Variants in CPSF4 observed in about 807,000 individuals in gnomAD.
CPSF4 encodes cleavage and polyadenylation specificity factor subunit 4.
CPSF4 carries 11 observed loss-of-function variants against 37.7 expected under a neutral mutation model. That is an observed-to-expected ratio of 0.29 (90% CI 0.18 to 0.48). The LOEUF (loss-of-function observed/expected upper bound fraction) is 0.48. CPSF4 is among the 20% of genes least tolerant of loss of function. The pLI is 0.99. For missense variants in CPSF4, 144 were observed against 359.5 expected (o/e 0.40, Z 4.85); for synonymous variants, 132 against 135.9 (o/e 0.97, Z 0.20).
intron 7 of CPSF4, 58 bp from the exon 8 acceptor site, chr7:99,456,374 G>C: frequency 1.3e-6 from 2 of 1,525,002 alleles, no homozygotes. Flanking sequence ...GTTGAAAACT[G>C]CATTTGAACA....
intron 2 of CPSF4, chr7:99,447,671 G>A: frequency 3.2e-6 from 1 of 307,972 alleles, no homozygotes; most frequent in Non-Finnish European, 6.6e-6. Flanking sequence ...CTCACTGCAA[G>A]CTCCGCCTCC....
rs1430886935 is a variant in CPSF4, at chr7:99,448,382, C to T, written c.307+109C>T. The T allele has an allele frequency of 1.6e-6, 2 of 1,262,020 alleles. No individual in the cohort carries two copies. Among genetic ancestry groups the T allele is most frequent in the East Asian group, 5.2e-5 (2 of 38,830 alleles). 78.2% of individuals were successfully genotyped at this position (1,262,020 alleles called of 1,614,324 possible). On this transcript the variant is annotated intron_variant, in intron 3 of 7. Transcript: ENST00000292476. This position sits in a 1 kb window ranked among gnomAD's most constrained non-coding sequence, Gnocchi z 4.4. Reference sequence around the variant, plus strand: ...TGCCTGCTTTTCCCATCTTTCTATTCTCAGAGGAGAACTCTGGCAGAACCT... The same window carrying T: ...TGCCTGCTTTTCCCATCTTTCTATTTTCAGAGGAGAACTCTGGCAGAACCT...
At chr7:99,443,570 T>A in intron 1 of CPSF4, 1 of 573,030 alleles carries the variant, frequency 1.7e-6, no homozygotes, top group Non-Finnish European at 3.2e-6. Context: ...TCCTAGCACT[T>A]TGGGAAGCCA....
chr7:99,440,676 T>TATATATATATATATATA (rs1562852973), intron 1 of CPSF4, among the ~76,000 whole-genome samples: 16 of 62,166 alleles, frequency 2.6e-4, no homozygotes, highest in African/African-American at 2.4e-3. Context: ...ATATATATAT[T>TATATATATATATATATA]TTTTTTTTTT....
chr7:99,445,653 G>A (rs1227995340), intron 2 of CPSF4, among the ~76,000 whole-genome samples: 1 of 152,176 alleles, frequency 6.6e-6, no homozygotes, highest in Admixed American at 6.5e-5. Context: ...GGAGGCCGAG[G>A]TGGATGGATC....
chr7:99,447,852 C>A, intron 2 of CPSF4: 1 of 518,046 alleles, frequency 1.9e-6, no homozygotes, highest in Non-Finnish European at 3.8e-6. Flanking sequence ...CCTTGTGATC[C>A]GCCCACCTCG....
intron 3 of CPSF4, among the ~76,000 whole-genome samples, 198 bp from the exon 4 acceptor site, chr7:99,450,078 A>G (rs544560210): frequency 1.3e-5 from 2 of 152,288 alleles, no homozygotes; most frequent in Admixed American, 6.5e-5. Flanking sequence ...GCCAATCAGA[A>G]TGGAACTTCC....
chr7:99,456,412 C>T lies in CPSF4; in HGVS notation c.742-20C>T. ...GTTGTTGTCTGTCTCTCCTCTTCCC[C>T]CACTTCCTGCTGTTCCCAGTGTGGC... On this transcript the variant is annotated intron_variant, in intron 7 of 7. Transcript: ENST00000292476. The T allele has an allele frequency of 6.2e-7, 1 of 1,612,798 alleles. No homozygotes were observed. Among genetic ancestry groups the T allele is most frequent in the Non-Finnish European group, 8.5e-7 (1 of 1,178,778 alleles).
chr7:99,446,579 T>A (rs1797511855), intron 2 of CPSF4, among the ~76,000 whole-genome samples: 1 of 150,714 alleles, frequency 6.6e-6, no homozygotes, highest in Non-Finnish European at 1.5e-5. Flanking sequence ...ACATCACATT[T>A]CCTCAATTCT....
intron 1 of CPSF4, among the ~76,000 whole-genome samples, chr7:99,440,674 A>ATATATATTTTTTTTTTTTTT: frequency 5.7e-5 from 5 of 88,086 alleles, no homozygotes; most frequent in East Asian, 3.4e-4. Flanking sequence ...ATATATATAT[A>ATATATATTTTTTTTTTTTTT]TTTTTTTTTT....
At chr7:99,443,433 G>A in intron 1 of CPSF4, 2 of 1,350,594 alleles carry the variant, frequency 1.5e-6, no homozygotes, top group South Asian at 2.3e-5. Context: ...CAAACCACAA[G>A]AAGACATTCT....
chr7:99,456,352 G>A (rs1257215921), intron 7 of CPSF4, 80 bp from the exon 8 acceptor site: 1 of 1,257,362 alleles, frequency 8.0e-7, no homozygotes, highest in Admixed American at 1.8e-5. Context: ...GGATTTGGTG[G>A]GCACTCCCTT....
intron 3 of CPSF4, 34 bp from the exon 4 acceptor site, chr7:99,450,242 T>C: frequency 1.3e-6 from 2 of 1,557,272 alleles, no homozygotes; most frequent in Non-Finnish European, 1.8e-6. Flanking sequence ...GGCCCCGGCC[T>C]TCCCAGTGGT....
intron 1 of CPSF4, chr7:99,442,870 C>G: frequency 1.8e-6 from 2 of 1,109,736 alleles, no homozygotes; most frequent in Non-Finnish European, 2.8e-6. Context: ...CAGAAAGTAT[C>G]AAGAACCTTT....
intron 2 of CPSF4, among the ~76,000 whole-genome samples, chr7:99,447,305 G>A (rs1164336561): frequency 2.0e-5 from 2 of 98,018 alleles, no homozygotes; most frequent in Admixed American, 1.3e-4. Flanking sequence ...TTTTGTTCTT[G>A]TCATCCAGGC....
chr7:99,442,924 C>G (rs1241010203), intron 1 of CPSF4: 4 of 1,521,904 alleles, frequency 2.6e-6, no homozygotes, highest in Non-Finnish European at 2.7e-6. Flanking sequence ...CTCTTCTTTG[C>G]CTCTGTATCC....
Position 99,448,603 on chromosome 7 carries a change from C to T in CPSF4, c.307+330C>T, listed in dbSNP as rs1017781416. On this transcript the variant is annotated intron_variant, in intron 3 of 7. Transcript: ENST00000292476. The surrounding 1 kb of genome is among the most constrained non-coding windows in gnomAD (Gnocchi z 4.4). Reference sequence around the variant, plus strand: ...GCGTGAGCCACCACGCCTGGCCCCGCGCATCACTTTGGAGTGCTTCAGTGT... The same window carrying T: ...GCGTGAGCCACCACGCCTGGCCCCGTGCATCACTTTGGAGTGCTTCAGTGT... 3.0e-5 allele frequency: 7 copies of T among 229,612 alleles called. No individual in the cohort carries two copies. The highest frequency in any genetic ancestry group is 1.1e-4 in the Admixed American group (2 of 19,006). The allele number at this position is 229,612 out of a possible 1,614,324, so 14.2% of individuals were successfully genotyped here. A position where few individuals can be genotyped will look rare whatever the true frequency, so the allele number is the denominator to read the frequency against.
At position 99,456,711 on chromosome 7, in the gene CPSF4, G is replaced by T. The variant is rs957058926; in HGVS notation, c.*211G>T. On this transcript the variant is annotated 3_prime_UTR_variant, in exon 8 of 8. Coordinates refer to ENST00000292476, the MANE Select transcript of CPSF4 (RefSeq NM_006693.4). ...GACATGTGTCCTGTGGGTCCCTGCAGTCGACATCATGTTTGGCTGGGCATC... is the reference window on the plus strand; with the variant it reads ...GACATGTGTCCTGTGGGTCCCTGCATTCGACATCATGTTTGGCTGGGCATC... 2.2e-5 allele frequency: 14 copies of T among 634,044 alleles called. No homozygotes were observed. Among genetic ancestry groups the T allele is most frequent in the South Asian group, 1.8e-4 (11 of 59,896 alleles). The allele number at this position is 634,044 out of a possible 1,614,324, so 39.3% of individuals were successfully genotyped here.
At chr7:99,439,297 G>A (rs10215854) in intron 1 of CPSF4, 112 bp downstream of exon 1, 81,155 of 721,048 alleles carry the variant, frequency 0.11, 7,408 homozygotes, top group African/African-American at 0.4. Flanking sequence ...GGCTTCCTCT[G>A]GATCCTGGGA....
Sources: gnomAD v4.1 joint callset for allele counts (sites outside exome capture counted in the v4.1 genomes callset) on GRCh38, gnomAD v4.1.1 for gene constraint, Gnocchi (gnomAD v3.1) non-coding constraint, MANE v1.5 for transcripts, NCBI Gene and HGNC (gene_info 2026-07-23, HGNC 2026-07-21) for gene names.